Variants in MGMT observed in about 807,000 individuals in gnomAD.
The protein encoded by MGMT is O-6-methylguanine-DNA methyltransferase.
In MGMT, 14 loss-of-function variants were observed where a neutral mutation model predicts 15.9. The observed-to-expected ratio is 0.88, with a 90% CI of 0.58 to 1.37. The LOEUF (loss-of-function observed/expected upper bound fraction) is 1.37. Ranked by LOEUF, MGMT falls within the 40% of genes most tolerant of loss-of-function variation. MGMT has a pLI of 0.00. For missense variants in MGMT, 282 were observed against 268.1 expected (o/e 1.05, Z -0.36); for synonymous variants, 130 against 118.2 (o/e 1.10, Z -0.65).
At chr10:129,501,382 C>CGA (rs1564835832) in intron 1 of MGMT, among the ~76,000 whole-genome samples, 1 of 152,154 alleles carries the variant, frequency 6.6e-6, no homozygotes, top group East Asian at 1.9e-4. Flanking sequence ...CTTTCAAGAC[C>CGA]GAGAAAGTAT....
At chr10:129,692,569 G>T (rs1001885529) in intron 2 of MGMT, among the ~76,000 whole-genome samples, 1 of 152,196 alleles carries the variant, frequency 6.6e-6, no homozygotes, top group Non-Finnish European at 1.5e-5. Context: ...ATCCCATGTG[G>T]CAACAGATAT....
chr10:129,666,324 C>T (rs1338592293), intron 2 of MGMT, among the ~76,000 whole-genome samples: 1 of 152,096 alleles, frequency 6.6e-6, no homozygotes, highest in Non-Finnish European at 1.5e-5. Flanking sequence ...GGTGCATTCA[C>T]TATGTAGATT....
intron 2 of MGMT, among the ~76,000 whole-genome samples, chr10:129,662,623 C>A (rs931492504): frequency 2.0e-5 from 3 of 152,266 alleles, no homozygotes; most frequent in Admixed American, 2.0e-4. Flanking sequence ...TTAGCTGCTT[C>A]TGGAAATGAA....
intron 2 of MGMT, among the ~76,000 whole-genome samples, chr10:129,678,900 C>T (rs552926197): frequency 6.6e-6 from 1 of 152,116 alleles, no homozygotes; most frequent in Admixed American, 6.5e-5. Flanking sequence ...TGGCAAAACC[C>T]TGTCTCTACT....
At chr10:129,645,601 C>T (rs1564746870) in intron 2 of MGMT, among the ~76,000 whole-genome samples, 2 of 152,180 alleles carry the variant, frequency 1.3e-5, no homozygotes, top group South Asian at 4.2e-4. Flanking sequence ...ATGAGATGCT[C>T]TGCCTTGAGG....
At chr10:129,604,004 G>C (rs568956853) in intron 2 of MGMT, among the ~76,000 whole-genome samples, 36 of 152,304 alleles carry the variant, frequency 2.4e-4, no homozygotes, top group African/African-American at 7.7e-4. Flanking sequence ...GATTTGATGT[G>C]TGCGTGTGTC....
At position 129,707,925 on chromosome 10, in the gene MGMT, T is replaced by C; in HGVS notation, c.156T>C (p.Val52=). 1 of 1,612,408 alleles carries C rather than the reference T, an allele frequency of 6.2e-7. No individual in the cohort carries two copies. The highest frequency in any genetic ancestry group is 8.5e-7 in the Non-Finnish European group (1 of 1,179,978). The change falls in exon 3 of 5, where the codon GTT becomes GTC. Residue 52 remains valine, a synonymous_variant. Coordinates refer to ENST00000651593, the MANE Select transcript of MGMT (RefSeq NM_002412.5). ...DAVEVPAPAA[V]LGGPEPLMQC... is the part of the protein sequence containing the mutation. ...TGGAGGTCCCAGCCCCCGCTGCGGT[T>C]CTCGGAGGTCCGGAGCCCCTGATGC...
At chr10:129,515,213 G>A (rs986753456) in intron 1 of MGMT, among the ~76,000 whole-genome samples, 10 of 152,236 alleles carry the variant, frequency 6.6e-5, no homozygotes, top group Admixed American at 3.9e-4. Flanking sequence ...GAGAGGACAC[G>A]TGTGCAGGAC....
rs151205915 is a variant in MGMT, at chr10:129,582,431, G to GT, written c.125+46055dup. 3.5e-3 allele frequency among the ~76,000 whole-genome samples: 540 copies of GT among 152,314 alleles called. 1 individual carries two copies. The highest frequency in any genetic ancestry group is 5.8e-3 in the Non-Finnish European group (394 of 68,036). On this transcript the variant is annotated intron_variant, in intron 2 of 4. Transcript: ENST00000651593. The stretch of plus-strand genomic sequence containing the variant: ...TGCCAGGCATTGAAAAAATAACATC[G>GT]TAAGTCCTTACTGCTAACACTGACT...
intron 1 of MGMT, among the ~76,000 whole-genome samples, chr10:129,512,385 G>A (rs1845693493): frequency 6.6e-6 from 1 of 152,056 alleles, no homozygotes; most frequent in East Asian, 1.9e-4. Context: ...TAAATCTATA[G>A]TTAATAAACT....
chr10:129,477,391 G>A (rs1845307770), intron 1 of MGMT, among the ~76,000 whole-genome samples: 1 of 152,140 alleles, frequency 6.6e-6, no homozygotes. Context: ...CAGAGTGCTG[G>A]ACACAGGGTG....
intron 2 of MGMT, among the ~76,000 whole-genome samples, chr10:129,616,375 G>C (rs1195032978): frequency 6.6e-6 from 1 of 152,208 alleles, no homozygotes; most frequent in Non-Finnish European, 1.5e-5. Flanking sequence ...CAGGATCCCA[G>C]AGCAGGAGGC....
rs187131146 is a variant in MGMT at position 129,617,892 on chromosome 10, C to T, written c.125+81515C>T. On this transcript the variant is annotated intron_variant, in intron 2 of 4. Coordinates refer to ENST00000651593, the MANE Select transcript of MGMT (RefSeq NM_002412.5). ...CTTCTTATGCAAGCACCCAGCCTTC[C>T]GGCACTGGGACGGGCCACATGGGAG... 9.3e-5 allele frequency among the ~76,000 whole-genome samples: 14 copies of T among 150,960 alleles called. 1 individual carries two copies. The highest frequency in any genetic ancestry group is 8.0e-4 in the East Asian group (4 of 5,006).
chr10:129,680,035 A>T (rs1847829650), intron 2 of MGMT, among the ~76,000 whole-genome samples: 1 of 152,234 alleles, frequency 6.6e-6, no homozygotes, highest in Admixed American at 6.5e-5. Context: ...GAAAGGAAAG[A>T]CAGGCGAGTG....
chr10:129,545,558 A>T (rs575009094), intron 2 of MGMT, among the ~76,000 whole-genome samples: 1 of 152,350 alleles, frequency 6.6e-6, no homozygotes, highest in Non-Finnish European at 1.5e-5. Context: ...AGATGAAACA[A>T]AAATGGTGGT....
intron 2 of MGMT, among the ~76,000 whole-genome samples, chr10:129,625,316 C>G (rs1847134055): frequency 6.6e-6 from 1 of 152,158 alleles, no homozygotes; most frequent in Admixed American, 6.5e-5. Context: ...CTTATATTAG[C>G]CCTTTCAAGG....
intron 1 of MGMT, among the ~76,000 whole-genome samples, chr10:129,487,593 A>G (rs1006172899): frequency 1.3e-5 from 2 of 151,594 alleles, no homozygotes; most frequent in African/African-American, 4.8e-5. Context: ...TTGTATATAT[A>G]TATGTACACA....
intron 2 of MGMT, among the ~76,000 whole-genome samples, chr10:129,574,404 G>T (rs1346369387): frequency 6.6e-6 from 1 of 152,170 alleles, no homozygotes; most frequent in Non-Finnish European, 1.5e-5. Context: ...ACATACTGTG[G>T]CGAAGAGCTT....
At chr10:129,706,054 G>T (rs568284746) in intron 2 of MGMT, among the ~76,000 whole-genome samples, 2 of 152,218 alleles carry the variant, frequency 1.3e-5, no homozygotes, top group African/African-American at 4.8e-5. Flanking sequence ...CAGGGCAGCT[G>T]CGGTGCCTTC....
Sources: gnomAD v4.1 joint callset for allele counts (sites outside exome capture counted in the v4.1 genomes callset) on GRCh38, gnomAD v4.1.1 for gene constraint, MANE v1.5 for transcripts, NCBI Gene and HGNC (gene_info 2026-07-23, HGNC 2026-07-21) for gene names.